The following MTA1 variants were observed in gnomAD, a reference collection of about 807,000 sequenced individuals.
MTA1 encodes metastasis associated 1.
MTA1 carries 15 observed loss-of-function variants against 97.0 expected under a neutral mutation model. That is an observed-to-expected ratio of 0.15 (90% CI 0.10 to 0.24). The LOEUF is 0.24. MTA1 is among the 10% of genes least tolerant of loss of function. The pLI, the probability that MTA1 is intolerant of heterozygous loss-of-function variation, is 1.00. For synonymous variants in MTA1, 435 were observed against 417.5 expected, an observed-to-expected ratio of 1.04 and a Z score of -0.51; for missense variants, 709 against 1,015.1, an observed-to-expected ratio of 0.70 and a Z score of 4.10.
chr14:105,445,521 G>A lies in MTA1; in HGVS notation c.190+10G>A. ...GCCGACAAGCACGCAAGTGAGTCCG[G>A]CCTTCCCTGGGGTGCCCGCCTGGCG... On this transcript the variant is annotated intron_variant, in intron 3 of 20. Coordinates refer to ENST00000331320, the MANE Select transcript of MTA1 (RefSeq NM_004689.4). The A allele has an allele frequency of 1.2e-6, 2 of 1,612,914 alleles. No homozygotes were observed. The highest frequency in any genetic ancestry group is 8.5e-7 in the Non-Finnish European group (1 of 1,179,778).
At chr14:105,460,666 G>A in intron 9 of MTA1, 99 bp from the exon 10 acceptor site, 6 of 1,347,388 alleles carry the variant, frequency 4.5e-6, no homozygotes, top group African/African-American at 1.5e-5. Flanking sequence ...TGCTGGGCCT[G>A]CAGTAGGGGA....
At chr14:105,433,677 T>C (rs961826409) in intron 1 of MTA1, among the ~76,000 whole-genome samples, 16 of 152,154 alleles carry the variant, frequency 1.1e-4, no homozygotes, top group Non-Finnish European at 2.1e-4. Flanking sequence ...AGGAAACACA[T>C]GAACTCACTA....
rs979545652 is a variant in MTA1, at chr14:105,464,934, C to T, written c.1534+71C>T. 6.1e-6 allele frequency: 9 copies of T among 1,480,756 alleles called. No individual in the cohort carries two copies. The African/African-American group carries it at 1.3e-4, about 21-fold the overall frequency. The allele number at this position is 1,480,756 out of a possible 1,614,324, so 91.7% of individuals were successfully genotyped here. ...GGGAGAGAGCAGCAACCTTGGGGCC[C>T]AGCCTGTAGCCCCACTGGGAGTTCT... On this transcript the variant is annotated intron_variant, in intron 15 of 20. Transcript: ENST00000331320.
chr14:105,453,939 C>T (rs1389631726), intron 6 of MTA1, among the ~76,000 whole-genome samples: 6 of 152,226 alleles, frequency 3.9e-5, no homozygotes, highest in Admixed American at 2.6e-4. Context: ...TGCTGACCCT[C>T]GGCATGTCTC....
Position 105,466,511 on chromosome 14 carries a change from C to T in MTA1, c.1710C>T (p.Pro570=), listed in dbSNP as rs369515551. 22 of 1,594,442 alleles carry T rather than the reference C, an allele frequency of 1.4e-5. No homozygotes were observed. The highest frequency in any genetic ancestry group is 5.4e-5 in the African/African-American group (4 of 74,378). The part of the protein sequence containing the change: ...LSSLTPAKVA[P]VINNGSPTIL... The stretch of plus-strand genomic sequence containing the variant: ...GCCTGACGCCCGCCAAGGTGGCCCC[C>T]GTCATCAACAACGGCTCCCCCACCA... Residue 570 remains proline (P), a synonymous_variant, in exon 17 of 21, where the codon CCC becomes CCT. Transcript: ENST00000331320.
intron 6 of MTA1, among the ~76,000 whole-genome samples, chr14:105,451,913 C>A (rs978291916): frequency 6.6e-5 from 10 of 151,536 alleles, no homozygotes; most frequent in African/African-American, 2.4e-4. Context: ...GTCTCAGCCT[C>A]CCGAGTAGCT....
At chr14:105,453,919 G>T (rs1595374745) in intron 6 of MTA1, among the ~76,000 whole-genome samples, 1 of 152,210 alleles carries the variant, frequency 6.6e-6, no homozygotes, top group Non-Finnish European at 1.5e-5. Flanking sequence ...CTGCTCATTG[G>T]CCCTGCCTCT....
Position 105,470,188 on chromosome 14 carries a change from C to G in MTA1, c.2121C>G (p.Asn707Lys). 2 of 1,606,524 alleles carry G rather than the reference C, an allele frequency of 1.2e-6. No homozygotes were observed. Among genetic ancestry groups the G allele is most frequent in the Non-Finnish European group, 1.7e-6 (2 of 1,177,398 alleles). The change falls in exon 21 of 21, where the codon AAC becomes AAG. Residue 707 changes from asparagine to lysine, a missense_variant. Asn to Lys is a moderately conservative substitution (Grantham distance 94). Coordinates refer to ENST00000331320, the MANE Select transcript of MTA1 (RefSeq NM_004689.4). ...GGCCACCGCCACCTGCGCCCGTCAA[C>G]GACGAGCCCATCGTCATCGAGGACT... ...PPRPPPPAPV[N>K]DEPIVIED is the part of the protein sequence containing the mutation.
At chr14:105,469,682 G>A (rs936803165) in intron 19 of MTA1, 159 bp from the exon 20 acceptor site, 10 of 1,248,034 alleles carry the variant, frequency 8.0e-6, no homozygotes, top group Non-Finnish European at 8.9e-6. Flanking sequence ...GTGTGCGGCC[G>A]ACCAGCCCTC....
chr14:105,469,663 G>T, intron 19 of MTA1, 165 bp downstream of exon 19: 1 of 1,210,910 alleles, frequency 8.3e-7, no homozygotes, highest in Non-Finnish European at 1.2e-6. Context: ...CCCTGTGCCA[G>T]GCCCAGCGGT....
At chr14:105,436,812 C>A (rs1255991999) in intron 1 of MTA1, among the ~76,000 whole-genome samples, 1 of 152,158 alleles carries the variant, frequency 6.6e-6, no homozygotes, top group African/African-American at 2.4e-5. Context: ...TGATTTGAGA[C>A]CTTTTTTAAA....
At chr14:105,461,134 A>G (rs7141736) in intron 10 of MTA1, among the ~76,000 whole-genome samples, 181 bp downstream of exon 10, 9,698 of 152,164 alleles carry the variant, frequency 0.064, 650 homozygotes, top group African/African-American at 0.17. Context: ...CCTTCCTGTC[A>G]CACTGGTTCA....
rs782476554 is a variant in MTA1 at position 105,470,237 on chromosome 14, G to A, written c.*22G>A. On this transcript the variant is annotated 3_prime_UTR_variant, in exon 21 of 21. Coordinates refer to ENST00000331320, the MANE Select transcript of MTA1 (RefSeq NM_004689.4). ...CTAGGGGCCGCCCCCACCTGCGGCC[G>A]CCCCCCGCCCCTCGCCCGCCCACAC... is the stretch of plus-strand genomic sequence containing the variant. The A allele has an allele frequency of 4.9e-5, 71 of 1,438,132 alleles. No individual in the cohort carries two copies. In the Admixed American group the frequency reaches 1.1e-3, roughly 21 times the overall value. The allele number at this position is 1,438,132 out of a possible 1,614,324, so 89.1% of individuals were successfully genotyped here.
At chr14:105,458,235 C>A (rs75891294) in intron 7 of MTA1, 35 bp from the exon 8 acceptor site, 4 of 1,590,194 alleles carry the variant, frequency 2.5e-6, no homozygotes, top group Non-Finnish European at 3.4e-6. Flanking sequence ...CGCCGTGGGA[C>A]CCCGTCTCAG....
chr14:105,453,083 A>G (rs1324239323), intron 6 of MTA1, among the ~76,000 whole-genome samples: 1 of 152,268 alleles, frequency 6.6e-6, no homozygotes, highest in Non-Finnish European at 1.5e-5. Flanking sequence ...CAGGACACAC[A>G]ATGCCGGACA....
At position 105,464,927 on chromosome 14, in the gene MTA1, T is replaced by C. The variant is rs968146134; in HGVS notation, c.1534+64T>C. On this transcript the variant is annotated intron_variant, in intron 15 of 20. Transcript: ENST00000331320. ...GGTGGTGGGGAGAGAGCAGCAACCT[T>C]GGGGCCCAGCCTGTAGCCCCACTGG... The C allele has an allele frequency of 6.7e-5, 100 of 1,492,812 alleles. 1 individual carries two copies. Among genetic ancestry groups the C allele is most frequent in the Non-Finnish European group, 7.1e-5 (80 of 1,123,222 alleles). 92.5% of individuals were successfully genotyped at this position (1,492,812 alleles called of 1,614,324 possible).
intron 2 of MTA1, among the ~76,000 whole-genome samples, chr14:105,442,968 G>A (rs1373453269): frequency 6.6e-6 from 1 of 152,250 alleles, no homozygotes; most frequent in Non-Finnish European, 1.5e-5. Context: ...ATGCGGAAGA[G>A]CCTGGCCCCA....
At chr14:105,469,627 G>T in intron 19 of MTA1, 129 bp downstream of exon 19, 1 of 1,265,856 alleles carries the variant, frequency 7.9e-7, no homozygotes, top group Non-Finnish European at 1.1e-6. Flanking sequence ...AAGACCAGAG[G>T]GGCTGCAGCA....
At chr14:105,442,089 G>C (rs1420343422) in intron 2 of MTA1, among the ~76,000 whole-genome samples, 1 of 152,242 alleles carries the variant, frequency 6.6e-6, no homozygotes, top group Non-Finnish European at 1.5e-5. Flanking sequence ...CCAGTTAATA[G>C]CAGAGAAGGA....
Sources: gnomAD v4.1 joint callset for allele counts (sites outside exome capture counted in the v4.1 genomes callset) on GRCh38, gnomAD v4.1.1 for gene constraint, MANE v1.5 for transcripts, NCBI Gene and HGNC (gene_info 2026-07-23, HGNC 2026-07-21) for gene names.